Variants in TMEM192 observed in about 807,000 individuals in gnomAD.
The protein encoded by TMEM192 is transmembrane protein 192.
TMEM192 carries 20 observed loss-of-function variants against 26.7 expected under a neutral mutation model. The observed-to-expected ratio is 0.75, with a 90% confidence interval of 0.53 to 1.09. The LOEUF (loss-of-function observed/expected upper bound fraction) is 1.09, where lower values mean the gene tolerates loss of function less well. TMEM192 is among the 50% of genes least tolerant of loss of function. TMEM192 has a pLI of 0.00. For missense variants in TMEM192, 304 were observed against 322.6 expected (o/e 0.94, Z 0.44); for synonymous variants, 124 against 121.0 (o/e 1.02, Z -0.16).
intron 1 of TMEM192, among the ~76,000 whole-genome samples, chr4:165,106,612 G>C (rs907013837): frequency 3.9e-5 from 6 of 152,212 alleles, no homozygotes; most frequent in African/African-American, 1.4e-4. Context: ...TCTCTTTCCT[G>C]CGTCAGATGC....
At chr4:165,090,540 T>G (rs1734734397) in intron 3 of TMEM192, among the ~76,000 whole-genome samples, 1 of 152,100 alleles carries the variant, frequency 6.6e-6, no homozygotes, top group African/African-American at 2.4e-5. Flanking sequence ...ATCTATCTCC[T>G]TTACAACAAA....
intron 3 of TMEM192, among the ~76,000 whole-genome samples, chr4:165,093,191 G>T (rs1734811105): frequency 6.7e-6 from 1 of 149,888 alleles, no homozygotes; most frequent in Non-Finnish European, 1.5e-5. Flanking sequence ...CTGCCTCCAG[G>T]GTTCAAGTGA....
intron 3 of TMEM192, among the ~76,000 whole-genome samples, chr4:165,096,689 T>C (rs997746874): frequency 1.3e-5 from 2 of 151,836 alleles, no homozygotes; most frequent in African/African-American, 4.8e-5. Context: ...GGTAAGTACC[T>C]GCTCCATTCC....
At chr4:165,092,112 CTTTTTTTTTTTTTTT>C (rs35641833) in intron 3 of TMEM192, among the ~76,000 whole-genome samples, 23 of 72,074 alleles carry the variant, frequency 3.2e-4, no homozygotes, top group Non-Finnish European at 4.2e-4. Context: ...TAATGCTGTT[CTTTTTTTTTTTTTTT>C]TTTTTTTTTT....
At chr4:165,096,108 T>C (rs1734893335) in intron 3 of TMEM192, among the ~76,000 whole-genome samples, 1 of 151,894 alleles carries the variant, frequency 6.6e-6, no homozygotes, top group African/African-American at 2.4e-5. Flanking sequence ...AAATACATTT[T>C]GAACTCAAAT....
chr4:165,097,499 A>AAG (rs1055676019), intron 3 of TMEM192, among the ~76,000 whole-genome samples: 2 of 149,724 alleles, frequency 1.3e-5, no homozygotes, highest in Non-Finnish European at 3.0e-5. Flanking sequence ...ATCTCAAAAA[A>AAG]AAAAAAAAAA....
At position 165,103,107 on chromosome 4, in the gene TMEM192, G is replaced by A; in HGVS notation, c.28-11C>T. 1.3e-6 allele frequency: 2 copies of A among 1,590,584 alleles called. No individual in the cohort carries two copies. Among genetic ancestry groups the A allele is most frequent in the Non-Finnish European group, 1.7e-6 (2 of 1,170,198 alleles). ...GATATCCAAGGAACCCTGGGGTGCA[G>A]AAAAACAAGCAACCTATAATCACCA... On this transcript the variant is annotated splice_polypyrimidine_tract_variant and intron_variant, in intron 1 of 5. Coordinates refer to ENST00000306480, the MANE Select transcript of TMEM192 (RefSeq NM_001100389.2).
chr4:165,097,630 T>C (rs2110776408), intron 3 of TMEM192, among the ~76,000 whole-genome samples: 1 of 150,272 alleles, frequency 6.7e-6, no homozygotes, highest in South Asian at 2.1e-4. Context: ...TTTCTTTTTT[T>C]ATAGAGGGGG....
chr4:165,101,771 C>G (rs1735044116), intron 2 of TMEM192, among the ~76,000 whole-genome samples: 1 of 152,166 alleles, frequency 6.6e-6, no homozygotes. Flanking sequence ...GATACCACCT[C>G]TCTCCCCAGT....
At position 165,103,061 on chromosome 4, in the gene TMEM192, G is replaced by T; in HGVS notation, c.63C>A (p.Asp21Glu). The T allele has an allele frequency of 6.2e-7, 1 of 1,613,262 alleles. No individual in the cohort carries two copies. Among genetic ancestry groups the T allele is most frequent in the Non-Finnish European group, 8.5e-7 (1 of 1,179,670 alleles). ...GGAGAAGCTGGGCATCCAGAAGTGGGTCGTCTTCAATACTCTGGGTGATAT... is the reference window on the plus strand; with the variant it reads ...GGAGAAGCTGGGCATCCAGAAGTGGTTCGTCTTCAATACTCTGGGTGATAT... Reference protein sequence around the residue: ...SLDITQSIEDDPLLDAQLLPH... With the variant: ...SLDITQSIEDEPLLDAQLLPH... Residue 21 changes from aspartate to glutamate, a missense_variant, in exon 2 of 6, where the codon GAC becomes GAA. Transcript: ENST00000306480.
In TMEM192 at chr4:165,094,410, G is replaced by A. The variant is rs961758274; in HGVS notation, c.440-5808C>T. Among the ~76,000 whole-genome samples the A allele has an allele frequency of 2.6e-5, 4 of 152,074 alleles. No individual in the cohort carries two copies. The South Asian group carries it at 6.2e-4, about 24-fold the overall frequency. ...TGCTTTTTGTTTTACATCACTCACC[G>A]TTTTAAAGATTCTAGGCTGGCGGTG... On this transcript the variant is annotated intron_variant, in intron 3 of 5. Coordinates refer to ENST00000306480, the MANE Select transcript of TMEM192 (RefSeq NM_001100389.2).
At chr4:165,103,443 C>T (rs1331495123) in intron 1 of TMEM192, among the ~76,000 whole-genome samples, 2 of 151,144 alleles carry the variant, frequency 1.3e-5, no homozygotes, top group Admixed American at 6.6e-5. Context: ...CTCCCAGGTT[C>T]GAGCAATTCT....
chr4:165,100,236 T>C (rs952600645), intron 3 of TMEM192, among the ~76,000 whole-genome samples: 9 of 149,834 alleles, frequency 6.0e-5, no homozygotes, highest in Admixed American at 2.7e-4. Flanking sequence ...CTCAGCTCAC[T>C]GCAACCTCTG....
chr4:165,092,860 G>C (rs982823550), intron 3 of TMEM192, among the ~76,000 whole-genome samples: 1 of 151,272 alleles, frequency 6.6e-6, no homozygotes, highest in Non-Finnish European at 1.5e-5. Flanking sequence ...AGCTATGACA[G>C]CACTCCAGCC....
At chr4:165,084,144 T>A (rs945434763) in intron 5 of TMEM192, among the ~76,000 whole-genome samples, 11 of 152,068 alleles carry the variant, frequency 7.2e-5, no homozygotes, top group African/African-American at 2.4e-4. Flanking sequence ...TTTCTTTTTT[T>A]AACTAGTACA....
At chr4:165,107,781 G>A (rs1735200872) in intron 1 of TMEM192, among the ~76,000 whole-genome samples, 1 of 152,048 alleles carries the variant, frequency 6.6e-6, no homozygotes, top group South Asian at 2.1e-4. Context: ...CAGCAAAACC[G>A]CCTTCTCTGC....
intron 3 of TMEM192, among the ~76,000 whole-genome samples, chr4:165,100,394 G>A (rs1278816360): frequency 2.6e-5 from 4 of 152,014 alleles, no homozygotes; most frequent in Admixed American, 6.6e-5. Context: ...TCCTGACCTC[G>A]TGATCTGCCC....
chr4:165,108,352 ACC>A (rs1006539734), intron 1 of TMEM192, among the ~76,000 whole-genome samples: 4 of 151,594 alleles, frequency 2.6e-5, no homozygotes, highest in African/African-American at 9.7e-5. Context: ...CGATCTCCTG[ACC>A]TCGTGATCCG....
Position 165,079,631 on chromosome 4 carries a change from G to A in TMEM192, c.*27C>T. ...AGTCTCAATTACTCTGGGTTCCTCT[G>A]CAATTGCTGTCATGACCGTGAGCCT... On this transcript the variant is annotated 3_prime_UTR_variant, in exon 6 of 6. Transcript: ENST00000306480. The A allele has an allele frequency of 6.3e-7, 1 of 1,593,060 alleles. No homozygotes were observed. Among genetic ancestry groups the A allele is most frequent in the Non-Finnish European group, 8.6e-7 (1 of 1,168,316 alleles).
Sources: gnomAD v4.1 joint callset for allele counts (sites outside exome capture counted in the v4.1 genomes callset) on GRCh38, gnomAD v4.1.1 for gene constraint, MANE v1.5 for transcripts, NCBI Gene and HGNC (gene_info 2026-07-23, HGNC 2026-07-21) for gene names.